CEP135: variants seen among roughly 807,000 people sequenced by gnomAD.
CEP135 encodes centrosomal protein 135.
Under a neutral mutation model 157.3 loss-of-function variants are expected in CEP135, and 142 were observed. The ratio of observed to expected loss-of-function variants is 0.90; its 90% confidence interval spans 0.79 to 1.04. The LOEUF is 1.04. Among genes scored for constraint, CEP135 ranks in the 50% least tolerant of loss-of-function variants. CEP135 has a pLI of 0.00. For synonymous variants in CEP135, 396 were observed against 439.8 expected (o/e 0.90, Z 1.25); for missense variants, 1,317 against 1,309.2 (o/e 1.01, Z -0.09).
chr4:55,974,708 A>G (rs1287415916), intron 10 of CEP135, 38 bp from the exon 11 acceptor site: 1 of 1,457,064 alleles, frequency 6.9e-7, no homozygotes, highest in East Asian at 2.3e-5. Context: ...CATTATGTAT[A>G]CAACATTATT....
In CEP135 at chr4:55,992,668, G is replaced by T. The variant is rs370780539; in HGVS notation, c.2009+583G>T. Among the ~76,000 whole-genome samples the T allele has an allele frequency of 7.2e-5, 11 of 152,292 alleles. 2 individuals are homozygous for T. Among genetic ancestry groups the T allele is most frequent in the African/African-American group, 2.6e-4 (11 of 41,560 alleles). On this transcript the variant is annotated intron_variant, in intron 15 of 25. Transcript: ENST00000257287. ...GCAAAAAAAGGAGACCGAGGATCTG[G>T]ACTGAAGCAGTGGTAATGAACTTAG...
At chr4:56,007,411 C>T (rs1268756291) in intron 17 of CEP135, among the ~76,000 whole-genome samples, 1 of 152,186 alleles carries the variant, frequency 6.6e-6, no homozygotes, top group African/African-American at 2.4e-5. Flanking sequence ...GAAGGGCTAG[C>T]TAAGGGTTTG....
intron 19 of CEP135, among the ~76,000 whole-genome samples, chr4:56,010,611 A>T (rs1730547472): frequency 6.6e-6 from 1 of 152,074 alleles, no homozygotes; most frequent in Non-Finnish European, 1.5e-5. Flanking sequence ...AAGACTCAGG[A>T]TAGGTTTTAA....
intron 25 of CEP135, among the ~76,000 whole-genome samples, chr4:56,025,516 G>T (rs1014741159): frequency 6.6e-6 from 1 of 152,082 alleles, no homozygotes; most frequent in Non-Finnish European, 1.5e-5. Flanking sequence ...GGTAGAGTGG[G>T]ATATATAGAG....
rs898059524 is a variant in CEP135 at position 56,032,549 on chromosome 4, G to A, written c.*1201G>A. 7.9e-5 allele frequency: 12 copies of A among 152,026 alleles called. No homozygotes were observed. The highest frequency in any genetic ancestry group is 1.8e-4 in the Non-Finnish European group (12 of 68,012). The allele number at this position is 152,026 out of a possible 1,614,324, so 9.4% of individuals were successfully genotyped here. A position where few individuals can be genotyped will look rare whatever the true frequency, so the allele number is the denominator to read the frequency against. ...CACTCTTTTTCTTCTAAGCCTGTGTGTTATAATTTACCAGTTCCCCAAAAT... is the reference window on the plus strand; with the variant it reads ...CACTCTTTTTCTTCTAAGCCTGTGTATTATAATTTACCAGTTCCCCAAAAT... On this transcript the variant is annotated 3_prime_UTR_variant, in exon 26 of 26. Transcript: ENST00000257287.
chr4:55,955,433 G>C (rs887179048), intron 4 of CEP135, among the ~76,000 whole-genome samples: 2 of 152,212 alleles, frequency 1.3e-5, no homozygotes, highest in African/African-American at 2.4e-5. Context: ...AGACTCCTGA[G>C]AGTGGACAGA....
Position 56,020,737 on chromosome 4 carries a change from T to C in CEP135, c.3277T>C (p.Tyr1093His). 1 of 1,613,690 alleles carries C rather than the reference T, an allele frequency of 6.2e-7. No homozygotes were observed. Among genetic ancestry groups the C allele is most frequent in the Non-Finnish European group, 8.5e-7 (1 of 1,179,786 alleles). ...RAKVAQLQTD[Y>H]DALKRQISTE... ...TAAAGTGGCACAGTTACAAACAGATTATGATGCTCTGAAAAGGCAGATCTC... is the reference window on the plus strand; with the variant it reads ...TAAAGTGGCACAGTTACAAACAGATCATGATGCTCTGAAAAGGCAGATCTC... Residue 1093 changes from tyrosine to histidine, a missense_variant, in exon 24 of 26, where the codon TAT (tyrosine) becomes CAT (histidine). Coordinates refer to ENST00000257287, the MANE Select transcript of CEP135 (RefSeq NM_025009.5).
rs567136990 is a variant in CEP135, at chr4:55,999,532, C to A, written c.2167C>A (p.His723Asn). The change falls in exon 17 of 26, where the codon CAT (histidine) becomes AAT (asparagine). Residue 723 changes from histidine (H) to asparagine (N), a missense_variant. Transcript: ENST00000257287. ...GATGACTTCACAGGATGAGGAGGCT[C>A]ATGTAATGAAAAAGACCATTGGTGT... ...LKMTSQDEEA[H>N]VMKKTIGVID... is the part of the protein sequence containing the mutation. The A allele has an allele frequency of 6.2e-7, 1 of 1,610,584 alleles. No individual in the cohort carries two copies. Among genetic ancestry groups the A allele is most frequent in the African/African-American group, 1.3e-5 (1 of 74,516 alleles).
chr4:55,956,861 G>A (rs1167322985), intron 4 of CEP135, among the ~76,000 whole-genome samples: 11 of 152,174 alleles, frequency 7.2e-5, no homozygotes, highest in Middle Eastern at 3.4e-3. Context: ...TGATCCACCC[G>A]CCTCGGCCTT....
chr4:55,968,784 T>C (rs1728923013), intron 8 of CEP135, among the ~76,000 whole-genome samples: 1 of 152,136 alleles, frequency 6.6e-6, no homozygotes, highest in Admixed American at 6.5e-5. Context: ...GACAGTGCCA[T>C]AGAATTACCC....
chr4:55,988,584 CAGG>C (rs1432870348), intron 14 of CEP135, among the ~76,000 whole-genome samples: 1 of 147,080 alleles, frequency 6.8e-6, no homozygotes, highest in African/African-American at 2.5e-5. Flanking sequence ...CACTTGAACC[CAGG>C]AGGTAGAGGT....
rs1729817218 is a variant in CEP135, at chr4:55,992,041, G to T, written c.1965G>T (p.Val655=). 1.2e-6 allele frequency: 2 copies of T among 1,607,966 alleles called. No individual in the cohort carries two copies. Among genetic ancestry groups the T allele is most frequent in the South Asian group, 2.2e-5 (2 of 89,440 alleles). The change falls in exon 15 of 26, where the codon GTG becomes GTT. Residue 655 remains valine (V), a synonymous_variant. Transcript: ENST00000257287. ...LKVQAQKFSH[V]AGDSSHQKTE... The stretch of plus-strand genomic sequence containing the variant: ...TCCAAGCTCAAAAATTTAGCCATGT[G>T]GCTGGTGACTCATCTCATCAGAAAA...
intron 8 of CEP135, chr4:55,966,123 G>T (rs184666707): frequency 8.5e-6 from 3 of 352,026 alleles, no homozygotes; most frequent in South Asian, 4.1e-5. Flanking sequence ...TTTCCTTCAC[G>T]ATTTTTATCT....
rs201141001 is a variant in CEP135, at chr4:55,985,272, C to G, written c.1780-9C>G. ...ACAAATGAACATTTTCTTTAACATT[C>G]TTTTTCAGCATATTGAAGAAGTGAG... is the stretch of plus-strand genomic sequence containing the variant. On this transcript the variant is annotated splice_polypyrimidine_tract_variant and intron_variant, in intron 13 of 25. Coordinates refer to ENST00000257287, the MANE Select transcript of CEP135 (RefSeq NM_025009.5). 6.7e-7 allele frequency: 1 copy of G among 1,495,390 alleles called. No individual in the cohort carries two copies. Among genetic ancestry groups the G allele is most frequent in the Non-Finnish European group, 9.3e-7 (1 of 1,078,374 alleles). The allele number at this position is 1,495,390 out of a possible 1,614,324, so 92.6% of individuals were successfully genotyped here. A position where few individuals can be genotyped will look rare whatever the true frequency, so the allele number is the denominator to read the frequency against.
In CEP135 at chr4:55,954,226, T is replaced by C; in HGVS notation, c.315T>C (p.Thr105=). Reference sequence around the variant, plus strand: ...CTTTTTCATTTTAAGAGTTGAAAACTTCATTGAAGAAATGTGCACGTGAAA... The same window carrying C: ...CTTTTTCATTTTAAGAGTTGAAAACCTCATTGAAGAAATGTGCACGTGAAA... ...HSDQHVKELK[T]SLKKCARETA... The change falls in exon 4 of 26, where the codon ACT becomes ACC. Residue 105 remains threonine (T), a synonymous_variant. Coordinates refer to ENST00000257287, the MANE Select transcript of CEP135 (RefSeq NM_025009.5). The C allele has an allele frequency of 1.9e-6, 3 of 1,584,612 alleles. No homozygotes were observed. In the South Asian group the frequency reaches 3.5e-5, roughly 19 times the overall value.
At chr4:55,987,959 A>G (rs1729642665) in intron 14 of CEP135, among the ~76,000 whole-genome samples, 1 of 152,162 alleles carries the variant, frequency 6.6e-6, no homozygotes, top group Non-Finnish European at 1.5e-5. Flanking sequence ...AATGAATTCC[A>G]AAAGCATGAC....
intron 5 of CEP135, among the ~76,000 whole-genome samples, chr4:55,959,073 A>G (rs1728597047): frequency 6.6e-6 from 1 of 152,146 alleles, no homozygotes. Context: ...TAACATAGGA[A>G]GGCCCTGTCT....
At chr4:55,967,001 GA>G (rs1728863658) in intron 8 of CEP135, among the ~76,000 whole-genome samples, 1 of 151,650 alleles carries the variant, frequency 6.6e-6, no homozygotes, top group South Asian at 2.1e-4. Context: ...AATTTCCATA[GA>G]ATTTTATCTT....
intron 11 of CEP135, among the ~76,000 whole-genome samples, chr4:55,978,018 G>GTGTGCA (rs1173997024): frequency 6.6e-6 from 1 of 152,212 alleles, no homozygotes; most frequent in Non-Finnish European, 1.5e-5. Context: ...TTGCGCATGT[G>GTGTGCA]TGTGCATGTG....
Sources: gnomAD v4.1 joint callset for allele counts (sites outside exome capture counted in the v4.1 genomes callset) on GRCh38, gnomAD v4.1.1 for gene constraint, MANE v1.5 for transcripts, NCBI Gene and HGNC (gene_info 2026-07-23, HGNC 2026-07-21) for gene names.